Variants in SPTA1 observed in about 807,000 individuals in gnomAD.
SPTA1 encodes spectrin alpha, erythrocytic 1, also known as spectrin alpha chain, erythrocytic 1.
SPTA1 carries 177 observed loss-of-function variants against 324.7 expected under a neutral mutation model. That is an observed-to-expected ratio of 0.55 (90% CI 0.48 to 0.62). The LOEUF (loss-of-function observed/expected upper bound fraction) is 0.62. Ranked by LOEUF, SPTA1 falls within the 20% of genes least tolerant of loss-of-function variation. SPTA1 has a pLI of 0.00. For missense variants in SPTA1, 3,162 were observed against 2,883.6 expected, an observed-to-expected ratio of 1.10 and a Z score of -2.21; for synonymous variants, 1,195 against 1,041.3, an observed-to-expected ratio of 1.15 and a Z score of -2.84.
chr1:158,649,414 G>C (rs1318343098), intron 25 of SPTA1, among the ~76,000 whole-genome samples: 1 of 152,076 alleles, frequency 6.6e-6, no homozygotes, highest in Admixed American at 6.6e-5. Flanking sequence ...CAAGTAGTTG[G>C]GACCATAGGC....
At chr1:158,658,482 T>G (rs1350174936) in intron 18 of SPTA1, among the ~76,000 whole-genome samples, 3 of 152,166 alleles carry the variant, frequency 2.0e-5, no homozygotes, top group African/African-American at 7.2e-5. Context: ...CAATTAAGAA[T>G]GAAAATAGTT....
At position 158,652,618 on chromosome 1, in the gene SPTA1, C is replaced by G; in HGVS notation, c.3224G>C (p.Arg1075Thr). ...ATTATAACGTTGCAATAGACGACGT[C>G]TGCGTTCTTCTGCCCGATCCAAGAG... is the stretch of plus-strand genomic sequence containing the variant. ...RSLLDRAEER[R>T]RRLLQRYNEF... The change falls in exon 23 of 52, where the codon AGA becomes ACA. Residue 1075 changes from arginine to threonine, a missense_variant. Arg to Thr is a moderately conservative substitution (Grantham distance 71, BLOSUM62 -1). Transcript: ENST00000643759. 2 of 1,614,136 alleles carry G rather than the reference C, an allele frequency of 1.2e-6. No individual in the cohort carries two copies. Among genetic ancestry groups the G allele is most frequent in the East Asian group, 4.5e-5 (2 of 44,866 alleles).
rs1655046360 is a variant in SPTA1 at position 158,684,735 on chromosome 1, C to T, written c.264+373G>A. 2.0e-5 allele frequency among the ~76,000 whole-genome samples: 3 copies of T among 152,046 alleles called. No individual in the cohort carries two copies. The South Asian group carries it at 6.2e-4, about 31-fold the overall frequency. ...ACTTTTGGCATTGATGAATGCTTCACCATGAAAATATGTAAAGTATCCTAT... is the reference window on the plus strand; with the variant it reads ...ACTTTTGGCATTGATGAATGCTTCATCATGAAAATATGTAAAGTATCCTAT... On this transcript the variant is annotated intron_variant, in intron 2 of 51. Transcript: ENST00000643759.
In SPTA1 at chr1:158,684,796, TA is replaced by T. The variant is rs377297347; in HGVS notation, c.264+311del. Among the ~76,000 whole-genome samples the T allele has an allele frequency of 7.2e-5, 11 of 152,302 alleles. 1 individual carries two copies. The East Asian group carries it at 2.1e-3, about 29-fold the overall frequency. Reference sequence around the variant, plus strand: ...ATAAGCAATATCCTTGGTTAATGATTAAAAAATGTATATTCTGAATGGAAGT... The same window carrying T: ...ATAAGCAATATCCTTGGTTAATGATTAAAAATGTATATTCTGAATGGAAGT... On this transcript the variant is annotated intron_variant, in intron 2 of 51. Transcript: ENST00000643759.
chr1:158,640,635 G>A (rs1232947751), intron 33 of SPTA1, among the ~76,000 whole-genome samples: 6 of 152,060 alleles, frequency 3.9e-5, no homozygotes, highest in African/African-American at 2.4e-5. Flanking sequence ...CCTCTTCAAG[G>A]AGAACTACAA....
Position 158,627,625 on chromosome 1 carries a change from C to T in SPTA1, c.5664G>A (p.Lys1888=). 1 of 1,613,384 alleles carries T rather than the reference C, an allele frequency of 6.2e-7. No individual in the cohort carries two copies. The highest frequency in any genetic ancestry group is 1.7e-5 in the Admixed American group (1 of 60,002). Residue 1888 remains lysine (K), a splice_region_variant and synonymous_variant, in exon 40 of 52, where the codon AAG becomes AAA. Transcript: ENST00000643759. ...AGCTGGAATTCCTGAACTAGCTCACCTTATTTAGGATGTCTTCTCCTTGTG... is the reference window on the plus strand; with the variant it reads ...AGCTGGAATTCCTGAACTAGCTCACTTTATTTAGGATGTCTTCTCCTTGTG... ...VCAQGEDILN[K]VLQEESQNKE...
At chr1:158,675,976 G>C (rs1654365242) in intron 8 of SPTA1, among the ~76,000 whole-genome samples, 165 bp downstream of exon 8, 1 of 152,148 alleles carries the variant, frequency 6.6e-6, no homozygotes. Flanking sequence ...TATTATATCA[G>C]TCACAAAGGA....
At position 158,661,366 on chromosome 1, in the gene SPTA1, T is replaced by A; in HGVS notation, c.2508A>T (p.Arg836Ser). 1 of 1,613,948 alleles carries A rather than the reference T, an allele frequency of 6.2e-7. No individual in the cohort carries two copies. Among genetic ancestry groups the A allele is most frequent in the Non-Finnish European group, 8.5e-7 (1 of 1,179,890 alleles). Reference sequence around the variant, plus strand: ...GGCTGGCAATGTTCTCCAGGATGACTCTATGCCTATTCAGAAGCTTTTTGG... The same window carrying A: ...GGCTGGCAATGTTCTCCAGGATGACACTATGCCTATTCAGAAGCTTTTTGG... ...IASKKLLNRH[R>S]VILENIASHE... Residue 836 changes from arginine to serine, a missense_variant, in exon 18 of 52, where the codon AGA becomes AGT. By Grantham distance (110) the Arg-to-Ser change is moderately radical. Coordinates refer to ENST00000643759, the MANE Select transcript of SPTA1 (RefSeq NM_003126.4).
chr1:158,664,258 G>T (rs945872595), intron 16 of SPTA1, among the ~76,000 whole-genome samples: 1 of 152,152 alleles, frequency 6.6e-6, no homozygotes, highest in African/African-American at 2.4e-5. Context: ...ATTTACAATA[G>T]CAAAGACTTA....
At chr1:158,681,124 T>G (rs1654777679) in intron 4 of SPTA1, among the ~76,000 whole-genome samples, 1 of 152,144 alleles carries the variant, frequency 6.6e-6, no homozygotes, top group African/African-American at 2.4e-5. Context: ...CTTTAGTATT[T>G]AGAAAAATAA....
At chr1:158,669,855 G>A in intron 12 of SPTA1, 69 bp from the exon 13 acceptor site, 1 of 1,513,452 alleles carries the variant, frequency 6.6e-7, no homozygotes, top group Non-Finnish European at 9.1e-7. Context: ...CATAGTTTGG[G>A]TAGCTGTTTA....
chr1:158,615,370 G>T lies in SPTA1; in HGVS notation c.6634C>A (p.Gln2212Lys). ...CCCAGGTCCACAATCTTGGTTAGTT[G>T]ACGCTTCATCGCCTGGATCTCCTTC... is the stretch of plus-strand genomic sequence containing the variant. ...KQKEIQAMKR[Q>K]LTKIVDLGDN... The change falls in exon 48 of 52, where the codon CAA (glutamine) becomes AAA (lysine). Residue 2212 changes from glutamine (Q) to lysine (K), a missense_variant. Physicochemically the swap from Gln to Lys is moderately conservative, Grantham distance 53 (BLOSUM62 1). Transcript: ENST00000643759. 1 of 1,614,088 alleles carries T rather than the reference G, an allele frequency of 6.2e-7. No homozygotes were observed. The highest frequency in any genetic ancestry group is 8.5e-7 in the Non-Finnish European group (1 of 1,180,010).
At chr1:158,634,735 C>T in intron 38 of SPTA1, 60 bp from the exon 39 acceptor site, 1 of 1,603,964 alleles carries the variant, frequency 6.2e-7, no homozygotes, top group Non-Finnish European at 8.5e-7. Context: ...AGTGGGAGTA[C>T]AGTGGGGTGG....
At position 158,638,151 on chromosome 1, in the gene SPTA1, CATT is replaced by C. The variant is rs777099510; in HGVS notation, c.5068_5070del (p.Asn1690del). ...TGGACATTCAGGAAACGCTTGTTGA[CATT>C]ATCTTTTTTCTTCACAATCTGATCA... On this transcript the variant is annotated inframe_deletion, in exon 36 of 52. Transcript: ENST00000643759. 1.9e-6 allele frequency: 3 copies of C among 1,613,990 alleles called. No individual in the cohort carries two copies. The highest frequency in any genetic ancestry group is 1.7e-4 in the Middle Eastern group (1 of 6,060).
At position 158,642,525 on chromosome 1, in the gene SPTA1, G is replaced by C. The variant is rs763669911; in HGVS notation, c.4623C>G (p.His1541Gln). 1 of 1,613,506 alleles carries C rather than the reference G, an allele frequency of 6.2e-7. No individual in the cohort carries two copies. Among genetic ancestry groups the C allele is most frequent in the South Asian group, 1.1e-5 (1 of 91,070 alleles). Reference sequence around the variant, plus strand: ...CATCGACTTCATGTGCAAAGGTCTGGTGTTTCAGGTATTTCCTCTGAAGGG... The same window carrying C: ...CATCGACTTCATGTGCAAAGGTCTGCTGTTTCAGGTATTTCCTCTGAAGGG... The part of the protein sequence containing the change: ...ATNIQRKYLK[H>Q]QTFAHEVDGR... The change falls in exon 33 of 52, where the codon CAC (histidine) becomes CAG (glutamine). Residue 1541 changes from histidine to glutamine, a missense_variant. His to Gln is a conservative substitution (Grantham distance 24). Coordinates refer to ENST00000643759, the MANE Select transcript of SPTA1 (RefSeq NM_003126.4).
chr1:158,649,814 G>T, intron 25 of SPTA1, 42 bp downstream of exon 25: 1 of 1,481,498 alleles, frequency 6.7e-7, no homozygotes, highest in Non-Finnish European at 9.4e-7. Context: ...TTTAGTGAGT[G>T]GGTTTTAAAG....
chr1:158,641,166 G>T (rs1229411268), intron 33 of SPTA1, among the ~76,000 whole-genome samples: 2 of 152,112 alleles, frequency 1.3e-5, no homozygotes, highest in African/African-American at 2.4e-5. Context: ...ATTCAAGATG[G>T]ATTAAAGACT....
chr1:158,684,236 A>C (rs1655016265), intron 2 of SPTA1, among the ~76,000 whole-genome samples: 1 of 152,086 alleles, frequency 6.6e-6, no homozygotes, highest in Non-Finnish European at 1.5e-5. Flanking sequence ...CTTGAGACCC[A>C]TGAACAACAT....
Position 158,651,391 on chromosome 1 carries a change from T to A in SPTA1, c.3453A>T (p.Thr1151=). Residue 1151 remains threonine (T), a synonymous_variant, in exon 24 of 52, where the codon ACA becomes ACT. Transcript: ENST00000643759. ...CCTGCCGGATTTGAGCTCCTTCTGG[T>A]GTTAGAAGTCCTTCAAATAGTAGAT... is the stretch of plus-strand genomic sequence containing the variant. The part of the protein sequence containing the change: ...ADDLLFEGLL[T]PEGAQIRQEL... The A allele has an allele frequency of 6.2e-7, 1 of 1,613,758 alleles. No homozygotes were observed. The highest frequency in any genetic ancestry group is 8.5e-7 in the Non-Finnish European group (1 of 1,179,718).
Sources: allele counts gnomAD v4.1 joint callset (sites outside exome capture counted in the v4.1 genomes callset), GRCh38; gene constraint gnomAD v4.1.1; transcripts MANE v1.5; gene names NCBI Gene and HGNC (gene_info 2026-07-23, HGNC 2026-07-21).